The following RYR1 variants were observed in gnomAD, a reference collection of about 807,000 sequenced individuals.
The protein encoded by RYR1 is ryanodine receptor 1, also known as central core disease of muscle.
RYR1 carries 342 observed loss-of-function variants against 583.5 expected under a neutral mutation model. The observed-to-expected ratio is 0.59, with a 90% CI of 0.54 to 0.64. The LOEUF (loss-of-function observed/expected upper bound fraction) is 0.64. Among genes scored for constraint, RYR1 ranks in the 30% least tolerant of loss-of-function variants. The pLI is 0.00. For missense variants in RYR1, 6,032 were observed against 6,917.2 expected, an observed-to-expected ratio of 0.87 and a Z score of 4.54; for synonymous variants, 2,791 against 2,822.5, an observed-to-expected ratio of 0.99 and a Z score of 0.35.
At chr19:38,492,759 G>A in intron 38 of RYR1, 123 bp downstream of exon 38, 1 of 1,032,284 alleles carries the variant, frequency 9.7e-7, no homozygotes, top group Non-Finnish European at 1.4e-6. Flanking sequence ...AGGCAGGAGT[G>A]AGAGGGGAAG....
Position 38,561,087 on chromosome 19 carries a change from C to A in RYR1, c.12283-26C>A. 1 of 1,593,236 alleles carries A rather than the reference C, an allele frequency of 6.3e-7. No homozygotes were observed. The highest frequency in any genetic ancestry group is 2.2e-5 in the East Asian group (1 of 44,808). Reference sequence around the variant, plus strand: ...GAGAATTGAGGCTCTCCAGGTCACCCCACTGACCTCCCTGCCCGCCCCCAG... The same window carrying A: ...GAGAATTGAGGCTCTCCAGGTCACCACACTGACCTCCCTGCCCGCCCCCAG... On this transcript the variant is annotated intron_variant, in intron 89 of 105. Transcript: ENST00000359596. The surrounding 1 kb of genome is among the most constrained non-coding windows in gnomAD (Gnocchi z 4.8).
rs1568595930 is a variant in RYR1 at position 38,573,288 on chromosome 19, C to T, written c.14110C>T (p.Arg4704Ter). The change falls in exon 96 of 106, where the codon CGA (arginine) becomes TGA (stop). Residue 4704 changes from arginine (R) to a stop codon, truncating the protein, a stop_gained. Transcript: ENST00000359596. LOFTEE classifies it high-confidence loss of function. ...CGATGACGTGAAGGGGCAGTGGGAC[C>T]GACTGGTGCTCAACACGCCGTAAGG... ...EDDDVKGQWD[R>*]LVLNTPSFPS... is the part of the protein sequence containing the mutation. 3.1e-6 allele frequency: 5 copies of T among 1,613,694 alleles called. No individual in the cohort carries two copies. Among genetic ancestry groups the T allele is most frequent in the African/African-American group, 1.3e-5 (1 of 75,018 alleles).
Position 38,565,834 on chromosome 19 carries a change from C to T in RYR1, c.13437+63C>T, listed in dbSNP as rs1389387911. On this transcript the variant is annotated intron_variant, in intron 91 of 105. Coordinates refer to ENST00000359596, the MANE Select transcript of RYR1 (RefSeq NM_000540.3). The surrounding 1 kb of genome is among the most constrained non-coding windows in gnomAD (Gnocchi z 4.7). ...TGGGGGATTGGAGGGAGGAAGAGAG[C>T]CCGGCTGGGTGGAGACACACACAGA... 2.2e-6 allele frequency: 3 copies of T among 1,349,600 alleles called. No homozygotes were observed. Among genetic ancestry groups the T allele is most frequent in the Non-Finnish European group, 2.8e-6 (3 of 1,056,274 alleles). 83.6% of individuals were successfully genotyped at this position (1,349,600 alleles called of 1,614,324 possible).
In RYR1 at chr19:38,587,490, A is replaced by G; in HGVS notation, c.*70A>G. On this transcript the variant is annotated 3_prime_UTR_variant, in exon 106 of 106. Transcript: ENST00000359596. ...CTCACAGCAAGCCCCTTAGTCCCCAAGCCCCTCCCCCTAAGGCAGCTGGGG... is the reference window on the plus strand; with the variant it reads ...CTCACAGCAAGCCCCTTAGTCCCCAGGCCCCTCCCCCTAAGGCAGCTGGGG... 4 of 1,108,436 alleles carry G rather than the reference A, an allele frequency of 3.6e-6. No individual in the cohort carries two copies. The highest frequency in any genetic ancestry group is 1.5e-5 in the African/African-American group (1 of 65,092). 68.7% of individuals were successfully genotyped at this position (1,108,436 alleles called of 1,614,324 possible). A position where few individuals can be genotyped will look rare whatever the true frequency, so the allele number is the denominator to read the frequency against.
chr19:38,575,891 C>T (rs1973935338), intron 96 of RYR1, 28 bp from the exon 97 acceptor site: 1 of 1,613,762 alleles, frequency 6.2e-7, no homozygotes, highest in Non-Finnish European at 8.5e-7. Flanking sequence ...ACATCTTATA[C>T]TCACGCTTTC....
intron 35 of RYR1, 85 bp from the exon 36 acceptor site, chr19:38,489,991 G>T: frequency 7.1e-7 from 1 of 1,400,666 alleles, no homozygotes; most frequent in Non-Finnish European, 1.0e-6. Context: ...GGGCCATGGA[G>T]AGGGGAGAGG....
chr19:38,523,540 C>A (rs1023573675), intron 69 of RYR1: 1 of 615,420 alleles, frequency 1.6e-6, no homozygotes, highest in East Asian at 2.7e-5. Context: ...CCTCTTCTCT[C>A]ATCTCTGTCT....
At chr19:38,528,521 TG>T in intron 74 of RYR1, 77 bp from the exon 75 acceptor site, 1 of 1,594,706 alleles carries the variant, frequency 6.3e-7, no homozygotes, top group Non-Finnish European at 8.6e-7. Flanking sequence ...TGAGGGTGGT[TG>T]GGGGCTGCAG....
In RYR1 at chr19:38,523,229, G is replaced by A. The variant is rs1446961656; in HGVS notation, c.10360G>A (p.Glu3454Lys). 7 of 1,614,082 alleles carry A rather than the reference G, an allele frequency of 4.3e-6. No individual in the cohort carries two copies. Among genetic ancestry groups the A allele is most frequent in the Admixed American group, 3.3e-5 (2 of 59,992 alleles). ...CTTCCCCCACCAGAACTTCAAGCGC[G>A]AGGAGCAGAACTTTGTGGTCCAGAA... ...YWSKSHNFKR[E>K]EQNFVVQNEI... The change falls in exon 69 of 106, where the codon GAG (glutamate) becomes AAG (lysine). Residue 3454 changes from glutamate (E) to lysine (K), a missense_variant. Transcript: ENST00000359596.
In RYR1 at chr19:38,466,314, C is replaced by G. The variant is rs374477216; in HGVS notation, c.3094C>G (p.Arg1032Gly). 1.4e-5 allele frequency: 22 copies of G among 1,608,818 alleles called. No homozygotes were observed. Among genetic ancestry groups the G allele is most frequent in the Non-Finnish European group, 1.6e-5 (19 of 1,178,536 alleles). ...PYRLLDEATK[R>G]SNRDSLCQAV... ...CCGCCTGCTGGATGAAGCCACCAAG[C>G]GCAGCAACCGGGACAGCCTCTGCCA... Residue 1032 changes from arginine (R) to glycine (G), a missense_variant, in exon 24 of 106, where the codon CGC becomes GGC. Around this residue, in one of 11 missense-constraint regions of RYR1, gnomAD observed 2,627 missense variants for 2,961.3 expected, o/e 0.89. Transcript: ENST00000359596.
Position 38,586,557 on chromosome 19 carries a change from A to G in RYR1, c.15002A>G (p.Glu5001Gly), listed in dbSNP as rs1443667188. 1 of 1,614,206 alleles carries G rather than the reference A, an allele frequency of 6.2e-7. No individual in the cohort carries two copies. The highest frequency in any genetic ancestry group is 1.1e-5 in the South Asian group (1 of 91,086). Residue 5001 changes from glutamate (E) to glycine (G), a missense_variant, in exon 105 of 106, where the codon GAG becomes GGG. By Grantham distance (98) the Glu-to-Gly change is moderately conservative. Around this residue, in one of 11 missense-constraint regions of RYR1, gnomAD observed 189 missense variants for 350.3 expected, o/e 0.54. Transcript: ENST00000359596. ...FFLMYLINKD[E>G]TEHTGQESYV... is the part of the protein sequence containing the mutation. ...CTGATGTATTTGATAAACAAGGATG[A>G]GACAGAACACACGGGTCAGGTAAGG...
chr19:38,452,126 C>CAAAAAAA (rs66571762), intron 12 of RYR1, among the ~76,000 whole-genome samples: 2 of 68,866 alleles, frequency 2.9e-5, no homozygotes, highest in African/African-American at 6.0e-5. Flanking sequence ...CCGCCTCTAC[C>CAAAAAAA]AAAAAAAAAA....
At chr19:38,528,578 C>A (rs770128421) in intron 74 of RYR1, 21 bp from the exon 75 acceptor site, 1 of 1,613,146 alleles carries the variant, frequency 6.2e-7, no homozygotes, top group South Asian at 1.1e-5. Flanking sequence ...GTCCCAGTGA[C>A]GTCACACCTC....
chr19:38,505,201 G>A (rs1030971929), intron 52 of RYR1, 108 bp from the exon 53 acceptor site: 114 of 1,187,994 alleles, frequency 9.6e-5, no homozygotes, highest in Non-Finnish European at 1.0e-4. Flanking sequence ...AAGACCCTTA[G>A]CTTGTTCTGG....
chr19:38,497,353 T>A (rs1969892527), intron 42 of RYR1, among the ~76,000 whole-genome samples: 1 of 152,224 alleles, frequency 6.6e-6, no homozygotes, highest in African/African-American at 2.4e-5. Context: ...CTTGGCACAT[T>A]TCTTCGCTCT....
chr19:38,469,254 TCTGCCCTGCCCAC>T, intron 26 of RYR1, 38 bp from the exon 27 acceptor site: 1 of 1,608,858 alleles, frequency 6.2e-7, no homozygotes, highest in Non-Finnish European at 8.5e-7. Context: ...CTCGGCTCCC[TCTGCCCTGCCCAC>T]CTGCCCTCAC....
chr19:38,540,052 G>A (rs2145763578), intron 84 of RYR1, among the ~76,000 whole-genome samples: 1 of 152,242 alleles, frequency 6.6e-6, no homozygotes, highest in Non-Finnish European at 1.5e-5. Flanking sequence ...TGGGCCTTCT[G>A]TTGAGCCAAC....
chr19:38,463,362 G>A, intron 20 of RYR1, 61 bp from the exon 21 acceptor site: 10 of 1,409,402 alleles, frequency 7.1e-6, no homozygotes, highest in Non-Finnish European at 1.0e-5. Context: ...TTGGAAAGAG[G>A]GGTCATGATG....
chr19:38,457,399 C>T (rs912339291), intron 16 of RYR1, 98 bp from the exon 17 acceptor site: 16 of 1,551,668 alleles, frequency 1.0e-5, no homozygotes, highest in Middle Eastern at 1.9e-4. Context: ...TATCCCGATG[C>T]GCTGTCCTTT....
Sources: gnomAD v4.1 joint callset for allele counts (sites outside exome capture counted in the v4.1 genomes callset) on GRCh38, gnomAD v4.1.1 for gene constraint, gnomAD v4.1.1 regional missense constraint, Gnocchi (gnomAD v3.1) non-coding constraint, MANE v1.5 for transcripts, NCBI Gene and HGNC (gene_info 2026-07-23, HGNC 2026-07-21) for gene names.